The following ZNF57 variants were observed in gnomAD, a reference collection of about 807,000 sequenced individuals.
ZNF57 encodes the protein zinc finger protein 57.
In ZNF57, 11 loss-of-function variants were observed where a neutral mutation model predicts 13.4. The ratio of observed to expected loss-of-function variants is 0.82; its 90% CI spans 0.52 to 1.36. The LOEUF (loss-of-function observed/expected upper bound fraction) is 1.36. Among genes scored for constraint, ZNF57 ranks in the 40% most tolerant of loss-of-function variants. The pLI is 0.00. For missense variants in ZNF57, 696 were observed against 667.5 expected (o/e 1.04, Z -0.47); for synonymous variants, 224 against 238.5 (o/e 0.94, Z 0.56).
chr19:2,911,434 G>A (rs1193040519), intron 1 of ZNF57, among the ~76,000 whole-genome samples: 1 of 151,952 alleles, frequency 6.6e-6, no homozygotes, highest in African/African-American at 2.4e-5. Context: ...TCGGGAGGCT[G>A]ATGCGGGAGA....
intron 1 of ZNF57, among the ~76,000 whole-genome samples, chr19:2,914,957 A>G (rs1191253069): frequency 6.6e-6 from 1 of 152,184 alleles, no homozygotes; most frequent in Non-Finnish European, 1.5e-5. Flanking sequence ...AAACATATTC[A>G]TACAGTTGCC....
intron 1 of ZNF57, among the ~76,000 whole-genome samples, chr19:2,903,861 G>A (rs1212611438): frequency 6.6e-6 from 1 of 151,866 alleles, no homozygotes; most frequent in African/African-American, 2.4e-5. Context: ...GACTACAGGC[G>A]ACCGCCACCT....
At chr19:2,908,478 T>TTTTTTG (rs2088096678) in intron 1 of ZNF57, among the ~76,000 whole-genome samples, 1 of 149,834 alleles carries the variant, frequency 6.7e-6, no homozygotes, top group African/African-American at 2.5e-5. Context: ...TTTTTTTTTT[T>TTTTTTG]GAGACGGAGT....
At chr19:2,903,348 A>G (rs553376643) in intron 1 of ZNF57, among the ~76,000 whole-genome samples, 255 of 152,116 alleles carry the variant, frequency 1.7e-3, no homozygotes, top group African/African-American at 6.0e-3. Flanking sequence ...AGTAGCTGGG[A>G]TTACAGGCAC....
At chr19:2,916,731 AAAAAG>A (rs1233144020) in intron 3 of ZNF57, 188 bp from the exon 4 acceptor site, 1 of 448,792 alleles carries the variant, frequency 2.2e-6, no homozygotes, top group Non-Finnish European at 3.8e-6. Context: ...ATAAATAAAT[AAAAAG>A]AAATTACAGG....
chr19:2,916,376 T>C (rs1417734289), intron 3 of ZNF57, 127 bp downstream of exon 3: 1 of 902,438 alleles, frequency 1.1e-6, no homozygotes, highest in Non-Finnish European at 1.6e-6. Flanking sequence ...AAAAAATTTG[T>C]ATTTGACTAA....
intron 1 of ZNF57, among the ~76,000 whole-genome samples, chr19:2,913,131 T>G (rs2088155796): frequency 6.6e-6 from 1 of 152,168 alleles, no homozygotes; most frequent in Admixed American, 6.5e-5. Context: ...TTTTTGTGTT[T>G]TTAGTAGAGA....
intron 1 of ZNF57, among the ~76,000 whole-genome samples, chr19:2,905,169 T>C (rs2088061599): frequency 6.6e-6 from 1 of 152,002 alleles, no homozygotes; most frequent in Non-Finnish European, 1.5e-5. Context: ...CTAATTACTA[T>C]TTTTTCTTTT....
Position 2,915,641 on chromosome 19 carries a change from C to G in ZNF57, c.123C>G (p.Ala41=). 6.2e-7 allele frequency: 1 copy of G among 1,613,872 alleles called. No homozygotes were observed. Among genetic ancestry groups the G allele is most frequent in the Non-Finnish European group, 8.5e-7 (1 of 1,179,826 alleles). ...TGCTGGAGACCTTCCGGAACCTGGC[C>G]TCAGTAGGTGAGGATGGCATCATTC... ...DVMLETFRNL[A]SVDDGTQFKA... is the part of the protein sequence containing the mutation. The change falls in exon 2 of 4, where the codon GCC becomes GCG. Residue 41 remains alanine (A), a synonymous_variant. Transcript: ENST00000306908.
At chr19:2,916,338 G>T in intron 3 of ZNF57, 89 bp downstream of exon 3, 16 of 1,227,222 alleles carry the variant, frequency 1.3e-5, no homozygotes, top group South Asian at 1.1e-4. Flanking sequence ...CTCCAAATTT[G>T]TTTATTCCTC....
At chr19:2,910,869 C>T (rs139913577) in intron 1 of ZNF57, among the ~76,000 whole-genome samples, 2,834 of 148,396 alleles carry the variant, frequency 0.019, 176 homozygotes, top group Middle Eastern at 0.099. Flanking sequence ...GCTGGGATGA[C>T]GGGCGTGAGC....
In ZNF57 at chr19:2,918,122, G is replaced by A. The variant is rs1399089323; in HGVS notation, c.1501G>A (p.Glu501Lys). 1 of 1,614,190 alleles carries A rather than the reference G, an allele frequency of 6.2e-7. No individual in the cohort carries two copies. Among genetic ancestry groups the A allele is most frequent in the Admixed American group, 1.7e-5 (1 of 60,014 alleles). Residue 501 changes from glutamate to lysine, a missense_variant, in exon 4 of 4, where the codon GAG (glutamate) becomes AAG (lysine). Coordinates refer to ENST00000306908, the MANE Select transcript of ZNF57 (RefSeq NM_173480.3). ...LHNHVRMHTG[E>K]KPHKCKQCGM... ...TAATCATGTGAGGATGCACACTGGA[G>A]AGAAACCTCACAAATGTAAACAATG...
chr19:2,909,281 G>GTTTA (rs1555677925), intron 1 of ZNF57, among the ~76,000 whole-genome samples: 1,278 of 107,182 alleles, frequency 0.012, 30 homozygotes, highest in Middle Eastern at 0.046. Flanking sequence ...ATTTATTTTT[G>GTTTA]TTTTTTTTTT....
chr19:2,913,045 C>G (rs1247420039), intron 1 of ZNF57, among the ~76,000 whole-genome samples: 3 of 152,202 alleles, frequency 2.0e-5, no homozygotes, highest in Non-Finnish European at 4.4e-5. Flanking sequence ...CCTCTGCCTC[C>G]TGGGTTCAAG....
chr19:2,915,340 C>T lies in ZNF57; in HGVS notation c.4-182C>T. On this transcript the variant is annotated intron_variant, in intron 1 of 3. Coordinates refer to ENST00000306908, the MANE Select transcript of ZNF57 (RefSeq NM_173480.3). ...GTAAAAAGGCAGAGATAAGTTCAGA[C>T]TGATAGTGGTGCCATGAAGTTTACT... 5.6e-6 allele frequency: 4 copies of T among 715,494 alleles called. No individual in the cohort carries two copies. In the South Asian group the frequency reaches 6.0e-5, roughly 11 times the overall value. The allele number at this position is 715,494 out of a possible 1,614,324, so 44.3% of individuals were successfully genotyped here.
chr19:2,905,596 CTACTAAAAAA>C (rs1482154356), intron 1 of ZNF57, among the ~76,000 whole-genome samples: 2 of 151,400 alleles, frequency 1.3e-5, no homozygotes, highest in African/African-American at 4.9e-5. Flanking sequence ...AACCCCGTCT[CTACTAAAAAA>C]TACAAAAAAT....
chr19:2,910,888 C>T (rs1008881426), intron 1 of ZNF57, among the ~76,000 whole-genome samples: 1 of 151,168 alleles, frequency 6.6e-6, no homozygotes, highest in East Asian at 2.0e-4. Flanking sequence ...GCCACCGGGC[C>T]CGGCCTGGTT....
intron 1 of ZNF57, among the ~76,000 whole-genome samples, chr19:2,910,907 CTGTTTTT>C (rs2088128145): frequency 1.3e-5 from 2 of 151,652 alleles, no homozygotes; most frequent in Non-Finnish European, 2.9e-5. Context: ...TTACTGTTTT[CTGTTTTT>C]GTTGCCCTGG....
At chr19:2,909,278 T>TATTTTA (rs1278973576) in intron 1 of ZNF57, among the ~76,000 whole-genome samples, 1 of 120,662 alleles carries the variant, frequency 8.3e-6, no homozygotes, top group African/African-American at 3.0e-5. Context: ...TTTATTTATT[T>TATTTTA]TTGTTTTTTT....
Sources: allele counts gnomAD v4.1 joint callset (sites outside exome capture counted in the v4.1 genomes callset), GRCh38; gene constraint gnomAD v4.1.1; transcripts MANE v1.5; gene names NCBI Gene and HGNC (gene_info 2026-07-23, HGNC 2026-07-21).